Variants in CACNA1E observed in about 807,000 individuals in gnomAD.
CACNA1E encodes voltage-dependent R-type calcium channel subunit alpha-1E.
A neutral mutation model predicts 259.2 loss-of-function variants in CACNA1E; 40 were observed. That is an observed-to-expected ratio of 0.15 (90% CI 0.12 to 0.20). CACNA1E has a LOEUF of 0.20. Among genes scored for constraint, CACNA1E ranks in the 10% least tolerant of loss-of-function variants. The pLI, the probability that CACNA1E is intolerant of heterozygous loss-of-function variation, is 1.00. For synonymous variants in CACNA1E, 1,104 were observed against 1,138.5 expected, an observed-to-expected ratio of 0.97 and a Z score of 0.61; for missense variants, 1,874 against 3,040.1, an observed-to-expected ratio of 0.62 and a Z score of 9.02.
intron 13 of CACNA1E, 81 bp downstream of exon 13, chr1:181,719,944 T>C: frequency 1.2e-6 from 1 of 863,734 alleles, no homozygotes; most frequent in Non-Finnish European, 1.8e-6. Flanking sequence ...TTCCATCTTC[T>C]CTTTCCCCCT....
At chr1:181,589,573 G>A (rs1335824404) in intron 6 of CACNA1E, among the ~76,000 whole-genome samples, 1 of 152,118 alleles carries the variant, frequency 6.6e-6, no homozygotes, top group East Asian at 1.9e-4. Flanking sequence ...GAACTGCTGA[G>A]CCTGGCTTGG....
At chr1:181,542,603 C>A (rs1364992492) in intron 3 of CACNA1E, among the ~76,000 whole-genome samples, 1 of 151,994 alleles carries the variant, frequency 6.6e-6, no homozygotes, top group Non-Finnish European at 1.5e-5. Context: ...CAGCACTTCT[C>A]CTTCCTGCTG....
intron 40 of CACNA1E, 145 bp downstream of exon 40, chr1:181,783,929 A>G: frequency 1.8e-6 from 1 of 561,986 alleles, no homozygotes; most frequent in Non-Finnish European, 3.3e-6. Context: ...ATCTGACTCA[A>G]TAACTAATAA....
At chr1:181,691,708 C>T (rs115876581) in intron 7 of CACNA1E, among the ~76,000 whole-genome samples, 358 of 152,238 alleles carry the variant, frequency 2.4e-3, no homozygotes, top group African/African-American at 8.2e-3. Context: ...TCACAGCCAA[C>T]ATCATACTGA....
intron 6 of CACNA1E, among the ~76,000 whole-genome samples, chr1:181,639,044 G>A (rs1292022690): frequency 6.6e-6 from 1 of 151,844 alleles, no homozygotes; most frequent in Non-Finnish European, 1.5e-5. Context: ...GAAGATTAAT[G>A]TATGCTATGC....
In CACNA1E at chr1:181,758,713, C is replaced by G; in HGVS notation, c.4495-45C>G. The stretch of plus-strand genomic sequence containing the variant: ...TCAGTGACATGTATTCCCCCTCTTA[C>G]CTTAAGGCTGTGATTCTTTCTCTCT... On this transcript the variant is annotated intron_variant, in intron 31 of 47. Transcript: ENST00000367573. This position sits in a 1 kb window ranked among gnomAD's most constrained non-coding sequence, Gnocchi z 4.2. The G allele has an allele frequency of 8.8e-7, 1 of 1,130,264 alleles. No individual in the cohort carries two copies. The highest frequency in any genetic ancestry group is 1.3e-6 in the Non-Finnish European group (1 of 747,486). 70.0% of individuals were successfully genotyped at this position (1,130,264 alleles called of 1,614,324 possible).
chr1:181,365,423 T>C (rs372681181), intron 1 of CACNA1E, among the ~76,000 whole-genome samples: 2 of 152,358 alleles, frequency 1.3e-5, no homozygotes, highest in Admixed American at 6.5e-5. Context: ...ATTCCCGCCT[T>C]GACCTCCCAA....
chr1:181,720,871 AC>A lies in CACNA1E; in HGVS notation c.1956+17del. Reference sequence around the variant, plus strand: ...TGTGTTCCAGGTATGAGGCCAGCTGACGGTTCACAAGTGCTGCATGGGGTCC... The same window carrying A: ...TGTGTTCCAGGTATGAGGCCAGCTGAGGTTCACAAGTGCTGCATGGGGTCC... On this transcript the variant is annotated intron_variant, in intron 15 of 47. Transcript: ENST00000367573. 1 of 1,572,926 alleles carries A rather than the reference AC, an allele frequency of 6.4e-7. No individual in the cohort carries two copies.
intron 1 of CACNA1E, among the ~76,000 whole-genome samples, chr1:181,360,757 T>A (rs971921690): frequency 2.0e-5 from 3 of 152,348 alleles, no homozygotes; most frequent in Admixed American, 1.3e-4. Flanking sequence ...TATTTCAATT[T>A]TGAGTACTGA....
In CACNA1E at chr1:181,807,285, A is replaced by G. The variant is rs1017168374; in HGVS notation, c.*8451A>G. 1.3e-5 allele frequency: 2 copies of G among 152,096 alleles called. No homozygotes were observed. Among genetic ancestry groups the G allele is most frequent in the African/African-American group, 2.4e-5 (1 of 41,420 alleles). 9.4% of individuals were successfully genotyped at this position (152,096 alleles called of 1,614,324 possible). On this transcript the variant is annotated 3_prime_UTR_variant, in exon 48 of 48. Coordinates refer to ENST00000367573, the MANE Select transcript of CACNA1E (RefSeq NM_001205293.3). Reference sequence around the variant, plus strand: ...GAGGAGTTTAACAAGGTAGGCAGAGAACTTCCTTATGGAACAACAGGGCTC... The same window carrying G: ...GAGGAGTTTAACAAGGTAGGCAGAGGACTTCCTTATGGAACAACAGGGCTC...
At chr1:181,347,484 T>A (rs187926667) in intron 1 of CACNA1E, among the ~76,000 whole-genome samples, 18 of 152,326 alleles carry the variant, frequency 1.2e-4, no homozygotes, top group Non-Finnish European at 2.1e-4. Context: ...ATAGAATTCC[T>A]ACTAGAGAAG....
At chr1:181,489,971 C>A (rs888589849) in intron 1 of CACNA1E, among the ~76,000 whole-genome samples, 5 of 152,206 alleles carry the variant, frequency 3.3e-5, no homozygotes, top group African/African-American at 1.2e-4. Flanking sequence ...GTTCACCCAT[C>A]AGTCATGTTT....
intron 38 of CACNA1E, among the ~76,000 whole-genome samples, chr1:181,779,914 A>AT (rs1356605504): frequency 2.6e-5 from 4 of 151,930 alleles, no homozygotes; most frequent in Admixed American, 2.0e-4. Context: ...ATGCAGAAAT[A>AT]TTTTTAACCC....
intron 1 of CACNA1E, among the ~76,000 whole-genome samples, chr1:181,509,373 C>T (rs1430243974): frequency 6.6e-6 from 1 of 152,176 alleles, no homozygotes; most frequent in Non-Finnish European, 1.5e-5. Flanking sequence ...GGCCCTGCAC[C>T]CTACACAGCC....
chr1:181,442,558 T>C (rs1660569088), intron 2 of CACNA1E, among the ~76,000 whole-genome samples: 1 of 152,064 alleles, frequency 6.6e-6, no homozygotes. Flanking sequence ...ACAAAGTGCC[T>C]TCCAGTGGGC....
chr1:181,507,884 G>T (rs1665843363), intron 1 of CACNA1E, among the ~76,000 whole-genome samples: 1 of 152,158 alleles, frequency 6.6e-6, no homozygotes, highest in Non-Finnish European at 1.5e-5. Flanking sequence ...CAGCTGTGAG[G>T]AGTGACCAGG....
chr1:181,399,628 G>A (rs1372070777), intron 1 of CACNA1E, among the ~76,000 whole-genome samples: 1 of 152,196 alleles, frequency 6.6e-6, no homozygotes, highest in Non-Finnish European at 1.5e-5. Flanking sequence ...GAATGTGATC[G>A]AGCTGACTCC....
At chr1:181,593,694 A>G (rs1652881243) in intron 6 of CACNA1E, among the ~76,000 whole-genome samples, 1 of 152,066 alleles carries the variant, frequency 6.6e-6, no homozygotes, top group South Asian at 2.1e-4. Context: ...ACCCACCACC[A>G]CACCCAGCTA....
chr1:181,456,604 C>T lies in CACNA1E; in HGVS notation c.435-27140C>T, dbSNP rs185842823. On this transcript the variant is annotated intron_variant, in intron 2 of 11. Transcript: ENST00000524607. ...GGGCCAAGGGAGCCATCTTTTTTTA[C>T]GCCTCCCTCTGGGGCTGCTAAGAGC... Among the ~76,000 whole-genome samples, 109 of 152,266 alleles carry T rather than the reference C, an allele frequency of 7.2e-4. 1 individual carries two copies. The highest frequency in any genetic ancestry group is 3.9e-3 in the South Asian group (19 of 4,830).
Sources: gnomAD v4.1 joint callset for allele counts (sites outside exome capture counted in the v4.1 genomes callset) on GRCh38, gnomAD v4.1.1 for gene constraint, Gnocchi (gnomAD v3.1) non-coding constraint, MANE v1.5 for transcripts, NCBI Gene and HGNC (gene_info 2026-07-23, HGNC 2026-07-21) for gene names.